Variants in NUMBL observed in about 807,000 individuals in gnomAD.
NUMBL encodes the protein numb-like protein.
Under a neutral mutation model 48.9 loss-of-function variants are expected in NUMBL, and 20 were observed. The observed-to-expected ratio is 0.41, with a 90% CI of 0.29 to 0.59. The LOEUF (loss-of-function observed/expected upper bound fraction) is 0.59, where lower values mean the gene tolerates loss of function less well. Ranked by LOEUF, NUMBL falls within the 20% of genes least tolerant of loss-of-function variation. The pLI is 0.31. For missense variants in NUMBL, 660 were observed against 846.2 expected (o/e 0.78, Z 2.73); for synonymous variants, 340 against 348.7 (o/e 0.98, Z 0.28).
intron 8 of NUMBL, among the ~76,000 whole-genome samples, chr19:40,672,997 T>C (rs1001019367): frequency 2.0e-5 from 3 of 152,116 alleles, no homozygotes; most frequent in Non-Finnish European, 1.5e-5. Flanking sequence ...TCCTTATCCA[T>C]GCCCGACTTC....
At chr19:40,686,043 C>T (rs943446443) in intron 2 of NUMBL, 2 of 152,698 alleles carry the variant, frequency 1.3e-5, no homozygotes, top group African/African-American at 4.8e-5. Context: ...TGTACACAAC[C>T]GTAGCTCCCT....
In NUMBL at chr19:40,682,312, G is replaced by C. The variant is rs2081909062; in HGVS notation, c.399+416C>G. ...CAGCTAATTTTTGTATTTTTAGTGA[G>C]ATGAGGTTTCACCATATTGCCAGGC... is the stretch of plus-strand genomic sequence containing the variant. On this transcript the variant is annotated intron_variant, in intron 5 of 9. Coordinates refer to ENST00000252891, the MANE Select transcript of NUMBL (RefSeq NM_004756.5). This position sits in a 1 kb window ranked among gnomAD's most constrained non-coding sequence, Gnocchi z 4.0. Among the ~76,000 whole-genome samples the C allele has an allele frequency of 6.6e-6, 1 of 151,950 alleles. No homozygotes were observed. The highest frequency in any genetic ancestry group is 2.4e-5 in the African/African-American group (1 of 41,378).
Position 40,667,797 on chromosome 19 carries a change from G to A in NUMBL, c.1501C>T (p.Pro501Ser). 4 of 1,583,650 alleles carry A rather than the reference G, an allele frequency of 2.5e-6. No individual in the cohort carries two copies. Among genetic ancestry groups the A allele is most frequent in the South Asian group, 1.1e-5 (1 of 86,978 alleles). The change falls in exon 10 of 10, where the codon CCG (proline) becomes TCG (serine). Residue 501 changes from proline (P) to serine (S), a missense_variant. Coordinates refer to ENST00000252891, the MANE Select transcript of NUMBL (RefSeq NM_004756.5). This position sits in a 1 kb window ranked among gnomAD's most constrained non-coding sequence, Gnocchi z 6.1. ...CCCACCACGGGCACCCGGGGCATCG[G>A]TGGGTAGCCCAAGCCCGGGTAGGCG... is the stretch of plus-strand genomic sequence containing the variant. ...VPAYPGLGYP[P>S]MPRVPVVGIT...
Position 40,667,685 on chromosome 19 carries a change from C to T in NUMBL, c.1613G>A (p.Gly538Glu), listed in dbSNP as rs747726463. 70 of 1,573,154 alleles carry T rather than the reference C, an allele frequency of 4.4e-5. 1 individual carries two copies. In the Middle Eastern group the frequency reaches 6.7e-4, roughly 15 times the overall value. Residue 538 changes from glycine to glutamate, a missense_variant, in exon 10 of 10, where the codon GGG becomes GAG. By Grantham distance (98) the Gly-to-Glu change is moderately conservative. Transcript: ENST00000252891. The surrounding 1 kb of genome is among the most constrained non-coding windows in gnomAD (Gnocchi z 6.1). ...PQPATLLGKA[G>E]AFPPPAIPSA... is the part of the protein sequence containing the mutation. Reference sequence around the variant, plus strand: ...GGGTATGGCAGGGGGCGGGAAGGCCCCAGCTTTCCCAAGCAGAGTGGCAGG... The same window carrying T: ...GGGTATGGCAGGGGGCGGGAAGGCCTCAGCTTTCCCAAGCAGAGTGGCAGG...
rs1599911294 is a variant in NUMBL, at chr19:40,682,675, C to T, written c.399+53G>A. 5 of 1,567,574 alleles carry T rather than the reference C, an allele frequency of 3.2e-6. No homozygotes were observed. The East Asian group carries it at 1.1e-4, about 35-fold the overall frequency. On this transcript the variant is annotated intron_variant, in intron 5 of 9. Transcript: ENST00000252891. The surrounding 1 kb of genome is among the most constrained non-coding windows in gnomAD (Gnocchi z 4.0). ...CGGGAAGGTGTCCTCCGCCCTGATT[C>T]CAGCAGGGTGAGCAGACAGGCCCCC...
intron 2 of NUMBL, chr19:40,684,792 A>C: frequency 1.1e-5 from 4 of 358,944 alleles, no homozygotes; most frequent in Non-Finnish European, 1.0e-5. Context: ...ATTCAGAACC[A>C]TGGGGCTAAG....
intron 7 of NUMBL, among the ~76,000 whole-genome samples, chr19:40,674,454 C>T (rs2081864192): frequency 6.6e-6 from 1 of 152,144 alleles, no homozygotes; most frequent in South Asian, 2.1e-4. Context: ...GAGGCAGGCT[C>T]TTCAAGGGCA....
intron 7 of NUMBL, among the ~76,000 whole-genome samples, chr19:40,675,576 A>ACACAC (rs1472129106): frequency 6.3e-5 from 9 of 142,292 alleles, no homozygotes; most frequent in African/African-American, 2.3e-4. Flanking sequence ...TTATATTTTA[A>ACACAC]ACACACACAC....
intron 7 of NUMBL, among the ~76,000 whole-genome samples, chr19:40,675,763 T>A (rs963203845): frequency 3.3e-5 from 5 of 151,896 alleles, no homozygotes; most frequent in South Asian, 2.1e-4. Context: ...ACACACACAC[T>A]CTCTCTCTCA....
chr19:40,678,284 T>C (rs2081888533), intron 6 of NUMBL, among the ~76,000 whole-genome samples: 1 of 152,198 alleles, frequency 6.6e-6, no homozygotes, highest in Non-Finnish European at 1.5e-5. Flanking sequence ...TGCCTCAGCC[T>C]CTCAAGTAGC....
chr19:40,679,461 C>T (rs909655017), intron 6 of NUMBL, among the ~76,000 whole-genome samples: 3 of 152,088 alleles, frequency 2.0e-5, no homozygotes, highest in Non-Finnish European at 4.4e-5. Flanking sequence ...GGCGGATCAC[C>T]TGAGGTCGGG....
chr19:40,667,764 G>T lies in NUMBL; in HGVS notation c.1534C>A (p.Pro512Thr), dbSNP rs1482783139. ...MPRVPVVGIT[P>T]SQMVANAFCS... ...AAGGCGTTTGCCACCATCTGTGAGG[G>T]TGTGATGCCCACCACGGGCACCCGG... Residue 512 changes from proline to threonine, a missense_variant, in exon 10 of 10, where the codon CCC (proline) becomes ACC (threonine). Physicochemically the swap from Pro to Thr is conservative, Grantham distance 38. This residue lies in a region of NUMBL where 296 missense variants were observed against 339.7 expected (regional missense o/e 0.87). Transcript: ENST00000252891. The surrounding 1 kb of genome is among the most constrained non-coding windows in gnomAD (Gnocchi z 6.1). 2 of 1,581,140 alleles carry T rather than the reference G, an allele frequency of 1.3e-6. No individual in the cohort carries two copies. The highest frequency in any genetic ancestry group is 2.7e-5 in the African/African-American group (2 of 74,338).
chr19:40,682,832 G>C lies in NUMBL; in HGVS notation c.325-30C>G. The C allele has an allele frequency of 1.2e-6, 2 of 1,613,968 alleles. No individual in the cohort carries two copies. Among genetic ancestry groups the C allele is most frequent in the Non-Finnish European group, 1.7e-6 (2 of 1,179,856 alleles). ...AGGGAGGCAAGGGGACAAAGGAGCC[G>C]GGTCAGGGTGCCTCTCCCTGTCTGA... is the stretch of plus-strand genomic sequence containing the variant. On this transcript the variant is annotated intron_variant, in intron 4 of 9. Coordinates refer to ENST00000252891, the MANE Select transcript of NUMBL (RefSeq NM_004756.5). This position sits in a 1 kb window ranked among gnomAD's most constrained non-coding sequence, Gnocchi z 4.0.
chr19:40,678,918 C>T (rs1240606127), intron 6 of NUMBL, among the ~76,000 whole-genome samples: 1 of 151,946 alleles, frequency 6.6e-6, no homozygotes, highest in East Asian at 1.9e-4. Context: ...TGGTGAAACC[C>T]CATCTCTACT....
At position 40,668,086 on chromosome 19, in the gene NUMBL, A is replaced by C; in HGVS notation, c.1212T>G (p.Pro404=). The change falls in exon 10 of 10, where the codon CCT becomes CCG. Residue 404 remains proline (P), a synonymous_variant. Coordinates refer to ENST00000252891, the MANE Select transcript of NUMBL (RefSeq NM_004756.5). ...CCTCTGAAGGTGTCCGCTTGTGCCC[A>C]GGCTGGAAGGCAGCTGCAGGGGGCA... ...PSVPPAAAFQ[P]GHKRTPSEAE... The C allele has an allele frequency of 1.9e-6, 3 of 1,602,376 alleles. No individual in the cohort carries two copies. Among genetic ancestry groups the C allele is most frequent in the Non-Finnish European group, 1.7e-6 (2 of 1,175,184 alleles).
Position 40,667,850 on chromosome 19 carries a change from G to C in NUMBL, c.1448C>G (p.Pro483Arg). 6.3e-7 allele frequency: 1 copy of C among 1,591,470 alleles called. No homozygotes were observed. The highest frequency in any genetic ancestry group is 8.6e-7 in the Non-Finnish European group (1 of 1,169,176). ...CACAAAAGGGGGCTGCATGTGTGGGGGTGGCAGGAACACGGCCACTTGGGC... is the reference window on the plus strand; with the variant it reads ...CACAAAAGGGGGCTGCATGTGTGGGCGTGGCAGGAACACGGCCACTTGGGC... Reference protein sequence around the residue: ...APAQVAVFLPPPHMQPPFVPA... With the variant: ...APAQVAVFLPRPHMQPPFVPA... The change falls in exon 10 of 10, where the codon CCC becomes CGC. Residue 483 changes from proline (P) to arginine (R), a missense_variant. Pro to Arg is a moderately radical substitution (Grantham distance 103). Around this residue, in one of 3 missense-constraint regions of NUMBL, gnomAD observed 296 missense variants for 339.7 expected, o/e 0.87. Transcript: ENST00000252891. This position sits in a 1 kb window ranked among gnomAD's most constrained non-coding sequence, Gnocchi z 6.1.
chr19:40,684,514 C>T lies in NUMBL; in HGVS notation c.152G>A (p.Arg51Gln), dbSNP rs754418811. ...CTCGGGCACGTAGGCTGGCTTCCTC[C>T]GCCGCAGGCTCTGCCGTAACTTGTT... ...TMNKLRQSLR[R>Q]RKPAYVPEAS... Residue 51 changes from arginine to glutamine, a missense_variant, in exon 3 of 10, where the codon CGG (arginine) becomes CAG (glutamine). Physicochemically the swap from Arg to Gln is conservative, Grantham distance 43. This residue lies in a region of NUMBL where 86 missense variants were observed against 85.9 expected (regional missense o/e 1.00). Transcript: ENST00000252891. 6.8e-6 allele frequency: 11 copies of T among 1,606,398 alleles called. No homozygotes were observed. Among genetic ancestry groups the T allele is most frequent in the South Asian group, 2.2e-5 (2 of 89,854 alleles).
chr19:40,676,041 G>T (rs940957324), intron 7 of NUMBL, among the ~76,000 whole-genome samples: 7 of 151,890 alleles, frequency 4.6e-5, no homozygotes, highest in African/African-American at 1.7e-4. Flanking sequence ...ATTTTTTAAT[G>T]ATTTGTAGAG....
At chr19:40,690,394 C>T in intron 1 of NUMBL, 66 bp downstream of exon 1, 1 of 1,000,932 alleles carries the variant, frequency 1.0e-6, no homozygotes, top group Non-Finnish European at 1.3e-6. Context: ...CGGCCGCCTC[C>T]CACCCTCCGC....
Sources: allele counts gnomAD v4.1 joint callset (sites outside exome capture counted in the v4.1 genomes callset), GRCh38; gene constraint gnomAD v4.1.1; regional missense constraint gnomAD v4.1.1; non-coding constraint Gnocchi (gnomAD v3.1); transcripts MANE v1.5; gene names NCBI Gene and HGNC (gene_info 2026-07-23, HGNC 2026-07-21).